SYNGR3: variants seen among roughly 807,000 people sequenced by gnomAD.
The protein encoded by SYNGR3 is synaptogyrin-3.
SYNGR3 carries 10 observed loss-of-function variants against 18.5 expected under a neutral mutation model. The observed-to-expected ratio is 0.54, with a 90% CI of 0.33 to 0.92. SYNGR3 has a LOEUF of 0.92. Ranked by LOEUF, SYNGR3 falls within the 40% of genes least tolerant of loss-of-function variation. The pLI is 0.02. For missense variants in SYNGR3, 335 were observed against 332.8 expected, an observed-to-expected ratio of 1.01 and a Z score of -0.05; for synonymous variants, 188 against 157.2, an observed-to-expected ratio of 1.20 and a Z score of -1.47.
chr16:1,992,711 C>G lies in SYNGR3; in HGVS notation c.413C>G (p.Ala138Gly). ...NQWQRTAPGP[A>G]TTQAGDAARA... ...TGGCAGCGCACGGCGCCAGGGCCGG[C>G]CACGACGCAGGCGGGGGACGCGGCG... is the stretch of plus-strand genomic sequence containing the variant. The change falls in exon 3 of 4, where the codon GCC (alanine) becomes GGC (glycine). Residue 138 changes from alanine (A) to glycine (G), a missense_variant. Transcript: ENST00000248121. The G allele has an allele frequency of 6.3e-7, 1 of 1,599,980 alleles. No homozygotes were observed.
Position 1,990,206 on chromosome 16 carries a change from G to C in SYNGR3, c.99+5G>C. On this transcript the variant is annotated splice_donor_5th_base_variant and intron_variant, in intron 1 of 3. Transcript: ENST00000248121. ...CTGCTCCGGGTCGCGTCCTGGGTGA[G>C]TGGTCCCTGCCCGGGCCCCCGCTCC... The C allele has an allele frequency of 7.8e-7, 1 of 1,274,410 alleles. No individual in the cohort carries two copies. Among genetic ancestry groups the C allele is most frequent in the Non-Finnish European group, 9.9e-7 (1 of 1,008,154 alleles). 78.9% of individuals were successfully genotyped at this position (1,274,410 alleles called of 1,614,324 possible). A position where few individuals can be genotyped will look rare whatever the true frequency, so the allele number is the denominator to read the frequency against.
chr16:1,991,565 A>G, intron 1 of SYNGR3: 1 of 166,896 alleles, frequency 6.0e-6, no homozygotes, highest in Admixed American at 6.3e-5. Flanking sequence ...CTCTGAGGGG[A>G]CTCCACGGGC....
Position 1,990,213 on chromosome 16 carries a change from C to A in SYNGR3, c.99+12C>A. Reference sequence around the variant, plus strand: ...GGGTCGCGTCCTGGGTGAGTGGTCCCTGCCCGGGCCCCCGCTCCCGCCCCT... The same window carrying A: ...GGGTCGCGTCCTGGGTGAGTGGTCCATGCCCGGGCCCCCGCTCCCGCCCCT... On this transcript the variant is annotated intron_variant, in intron 1 of 3. Transcript: ENST00000248121. The A allele has an allele frequency of 7.9e-7, 1 of 1,262,132 alleles. No individual in the cohort carries two copies. The highest frequency in any genetic ancestry group is 1.0e-6 in the Non-Finnish European group (1 of 998,368). The allele number at this position is 1,262,132 out of a possible 1,614,324, so 78.2% of individuals were successfully genotyped here.
rs1246355568 is a variant in SYNGR3, at chr16:1,990,024, G to T, written c.-79G>T. On this transcript the variant is annotated 5_prime_UTR_variant, in exon 1 of 4. Transcript: ENST00000248121. The stretch of plus-strand genomic sequence containing the variant: ...ATCAGCATCAGCATCAGCGGCAGCG[G>T]CAGCGGCCTCGGGCGGGGCCGGCCG... 1.0e-5 allele frequency: 5 copies of T among 478,734 alleles called. No homozygotes were observed. Among genetic ancestry groups the T allele is most frequent in the Non-Finnish European group, 1.5e-5 (5 of 327,004 alleles). The allele number at this position is 478,734 out of a possible 1,614,324, so 29.7% of individuals were successfully genotyped here.
rs2083593643 is a variant in SYNGR3 at position 1,990,036 on chromosome 16, G to A, written c.-67G>A. The A allele has an allele frequency of 1.6e-6, 1 of 628,960 alleles. No homozygotes were observed. The highest frequency in any genetic ancestry group is 4.9e-5 in the Admixed American group (1 of 20,310). The allele number at this position is 628,960 out of a possible 1,614,324, so 39.0% of individuals were successfully genotyped here. Reference sequence around the variant, plus strand: ...ATCAGCGGCAGCGGCAGCGGCCTCGGGCGGGGCCGGCCGGACGGACAGGCG... The same window carrying A: ...ATCAGCGGCAGCGGCAGCGGCCTCGAGCGGGGCCGGCCGGACGGACAGGCG... On this transcript the variant is annotated 5_prime_UTR_variant, in exon 1 of 4. Coordinates refer to ENST00000248121, the MANE Select transcript of SYNGR3 (RefSeq NM_004209.6).
Position 1,992,724 on chromosome 16 carries a change from G to T in SYNGR3, c.426G>T (p.Ala142=). ...RTAPGPATTQ[A]GDAARAAIAF... The stretch of plus-strand genomic sequence containing the variant: ...CGCCAGGGCCGGCCACGACGCAGGC[G>T]GGGGACGCGGCGCGGGCCGCCATCG... Residue 142 remains alanine, a synonymous_variant, in exon 3 of 4, where the codon GCG becomes GCT. Coordinates refer to ENST00000248121, the MANE Select transcript of SYNGR3 (RefSeq NM_004209.6). 4 of 1,591,966 alleles carry T rather than the reference G, an allele frequency of 2.5e-6. No homozygotes were observed. The highest frequency in any genetic ancestry group is 2.3e-5 in the East Asian group (1 of 43,610).
chr16:1,990,440 C>T, intron 1 of SYNGR3: 1 of 495,056 alleles, frequency 2.0e-6, no homozygotes, highest in Non-Finnish European at 3.7e-6. Flanking sequence ...TGAGAGGTCA[C>T]CGCCGGTCGC....
chr16:1,993,574 C>T lies in SYNGR3; in HGVS notation c.*502C>T, dbSNP rs1163269618. The T allele has an allele frequency of 2.2e-6, 1 of 458,368 alleles. No individual in the cohort carries two copies. The highest frequency in any genetic ancestry group is 4.4e-6 in the Non-Finnish European group (1 of 228,242). 28.4% of individuals were successfully genotyped at this position (458,368 alleles called of 1,614,324 possible). On this transcript the variant is annotated 3_prime_UTR_variant, in exon 4 of 4. Coordinates refer to ENST00000248121, the MANE Select transcript of SYNGR3 (RefSeq NM_004209.6). ...GTGCGTCCCGTCCGGAGCCACTCTC[C>T]ACTTTCTCTCACAGGCTGCTAGAAC...
chr16:1,990,372 G>A (rs1051887559), intron 1 of SYNGR3, 171 bp downstream of exon 1: 4 of 434,384 alleles, frequency 9.2e-6, no homozygotes, highest in Admixed American at 8.9e-5. Context: ...TGACGTCACC[G>A]GGCAGGGCGC....
Position 1,994,049 on chromosome 16 carries a change from C to A in SYNGR3, c.*977C>A. 1 of 163,564 alleles carries A rather than the reference C, an allele frequency of 6.1e-6. No homozygotes were observed. The highest frequency in any genetic ancestry group is 1.4e-5 in the Non-Finnish European group (1 of 74,040). 10.1% of individuals were successfully genotyped at this position (163,564 alleles called of 1,614,324 possible). A position where few individuals can be genotyped will look rare whatever the true frequency, so the allele number is the denominator to read the frequency against. On this transcript the variant is annotated 3_prime_UTR_variant, in exon 4 of 4. Coordinates refer to ENST00000248121, the MANE Select transcript of SYNGR3 (RefSeq NM_004209.6). ...ATTAAGTCAACACCAAACGTGGTTGCCACATTTCATCAGACAGACACCTCC... is the reference window on the plus strand; with the variant it reads ...ATTAAGTCAACACCAAACGTGGTTGACACATTTCATCAGACAGACACCTCC...
In SYNGR3 at chr16:1,992,858, C is replaced by G. The variant is rs777572342; in HGVS notation, c.481-5C>G. 2 of 1,552,436 alleles carry G rather than the reference C, an allele frequency of 1.3e-6. No individual in the cohort carries two copies. The highest frequency in any genetic ancestry group is 4.6e-5 in the East Asian group (2 of 43,318). On this transcript the variant is annotated splice_polypyrimidine_tract_variant and splice_region_variant and intron_variant, in intron 3 of 3. Coordinates refer to ENST00000248121, the MANE Select transcript of SYNGR3 (RefSeq NM_004209.6). Reference sequence around the variant, plus strand: ...GGCTGACCCCGCTGACCCCGCCCCGCGCAGGTGGCGCTCACCGTGAAGGCC... The same window carrying G: ...GGCTGACCCCGCTGACCCCGCCCCGGGCAGGTGGCGCTCACCGTGAAGGCC...
At position 1,992,215 on chromosome 16, in the gene SYNGR3, G is replaced by C; in HGVS notation, c.337+4G>C. 7.3e-7 allele frequency: 1 copy of C among 1,375,194 alleles called. No homozygotes were observed. Among genetic ancestry groups the C allele is most frequent in the East Asian group, 3.1e-5 (1 of 32,512 alleles). 85.2% of individuals were successfully genotyped at this position (1,375,194 alleles called of 1,614,324 possible). On this transcript the variant is annotated splice_donor_region_variant and intron_variant, in intron 2 of 3. Transcript: ENST00000248121. ...TTGCTGGACCTGGGCTTCTCAGGTG[G>C]GCGGGGCCGGGGCGGTGAGCGCGGA... is the stretch of plus-strand genomic sequence containing the variant.
rs2083609119 is a variant in SYNGR3 at position 1,992,427 on chromosome 16, CCGGGTCTGGGCGGAGCCTGGGCGCGGAA to C, written c.338-199_338-172del. 5.9e-6 allele frequency: 5 copies of C among 847,964 alleles called. No individual in the cohort carries two copies. In the South Asian group the frequency reaches 6.6e-5, roughly 11 times the overall value. The allele number at this position is 847,964 out of a possible 1,614,324, so 52.5% of individuals were successfully genotyped here. A position where few individuals can be genotyped will look rare whatever the true frequency, so the allele number is the denominator to read the frequency against. ...GCGGGACTTTCTAGGTAGGCGGGGC[CCGGGTCTGGGCGGAGCCTGGGCGCGGAA>C]CGGGTCTGGCGCTCCCGGGTGGGCG... is the stretch of plus-strand genomic sequence containing the variant. On this transcript the variant is annotated intron_variant, in intron 2 of 3. Transcript: ENST00000248121.
chr16:1,990,240 C>A (rs2083595186), intron 1 of SYNGR3, 39 bp downstream of exon 1: 2 of 1,139,336 alleles, frequency 1.8e-6, no homozygotes, highest in East Asian at 3.3e-5. Flanking sequence ...CCCGCCCCTG[C>A]CTCGCGACCT....
At chr16:1,992,365 TGGGCGGGGAGG>T (rs2083608729) in intron 2 of SYNGR3, 154 bp downstream of exon 2, 1 of 125,314 alleles carries the variant, frequency 8.0e-6, no homozygotes, top group Admixed American at 2.8e-4. Flanking sequence ...GCCTCCCGGG[TGGGCGGGGAGG>T]GGGCGGAGCC....
rs1212279760 is a variant in SYNGR3 at position 1,993,344 on chromosome 16, C to A, written c.*272C>A. ...TGTCCCTAGCCTGGAATGGACTGGC[C>A]TGGGGAAGGCTTTCCCCTCTTGGGC... On this transcript the variant is annotated 3_prime_UTR_variant, in exon 4 of 4. Transcript: ENST00000248121. The A allele has an allele frequency of 2.5e-5, 16 of 630,058 alleles. No homozygotes were observed. The highest frequency in any genetic ancestry group is 4.4e-5 in the Non-Finnish European group (15 of 342,348). The allele number at this position is 630,058 out of a possible 1,614,324, so 39.0% of individuals were successfully genotyped here.
At chr16:1,990,438 C>T (rs1597066460) in intron 1 of SYNGR3, 1 of 493,028 alleles carries the variant, frequency 2.0e-6, no homozygotes, top group South Asian at 2.1e-5. Context: ...CTTGAGAGGT[C>T]ACCGCCGGTC....
rs1203160603 is a variant in SYNGR3, at chr16:1,993,612, T to C, written c.*540T>C. Reference sequence around the variant, plus strand: ...AGGCTGCTAGAACAGCCCAGCCCTGTCAGTGTTGTGATCATGGTCCAGTCT... The same window carrying C: ...AGGCTGCTAGAACAGCCCAGCCCTGCCAGTGTTGTGATCATGGTCCAGTCT... On this transcript the variant is annotated 3_prime_UTR_variant, in exon 4 of 4. Coordinates refer to ENST00000248121, the MANE Select transcript of SYNGR3 (RefSeq NM_004209.6). The C allele has an allele frequency of 8.8e-6, 4 of 456,928 alleles. No individual in the cohort carries two copies. The highest frequency in any genetic ancestry group is 7.0e-5 in the Admixed American group (3 of 42,592). 28.3% of individuals were successfully genotyped at this position (456,928 alleles called of 1,614,324 possible). A position where few individuals can be genotyped will look rare whatever the true frequency, so the allele number is the denominator to read the frequency against.
At chr16:1,990,792 C>T (rs2083599576) in intron 1 of SYNGR3, 1 of 185,134 alleles carries the variant, frequency 5.4e-6, no homozygotes, top group Non-Finnish European at 1.2e-5. Context: ...TGCTCCTTCC[C>T]TCCGGCAGGG....
Sources: allele counts gnomAD v4.1 joint callset, GRCh38; gene constraint gnomAD v4.1.1; transcripts MANE v1.5; gene names NCBI Gene and HGNC (gene_info 2026-07-23, HGNC 2026-07-21).